The following CCNF variants were observed in gnomAD, a reference collection of about 807,000 sequenced individuals.
CCNF encodes cyclin F.
CCNF carries 30 observed loss-of-function variants against 85.4 expected under a neutral mutation model. The ratio of observed to expected loss-of-function variants is 0.35; its 90% CI spans 0.26 to 0.48. CCNF has a LOEUF of 0.48. CCNF is among the 20% of genes least tolerant of loss of function. CCNF has a pLI of 0.99. For missense variants in CCNF, 919 were observed against 1,010.4 expected (o/e 0.91, Z 1.23); for synonymous variants, 439 against 425.1 (o/e 1.03, Z -0.40).
intron 3 of CCNF, among the ~76,000 whole-genome samples, chr16:2,435,173 C>T (rs1324352511): frequency 6.6e-6 from 1 of 150,852 alleles, no homozygotes; most frequent in African/African-American, 2.4e-5. Context: ...ATGGTGTGAA[C>T]CTGGGAGGCG....
At chr16:2,444,280 C>G (rs2065349133) in intron 9 of CCNF, among the ~76,000 whole-genome samples, 1 of 150,766 alleles carries the variant, frequency 6.6e-6, no homozygotes, top group Non-Finnish European at 1.5e-5. Context: ...AGAAAATATC[C>G]TACTCTGCTT....
rs1378969171 is a variant in CCNF at position 2,437,118 on chromosome 16, T to C, written c.347-11T>C. On this transcript the variant is annotated splice_polypyrimidine_tract_variant and intron_variant, in intron 4 of 16. Transcript: ENST00000397066. The stretch of plus-strand genomic sequence containing the variant: ...AGACATCCCTGGGCTCTGTCCTGTC[T>C]GTCCCCGCAGTGTCTGTGTCTGATG... 2 of 1,566,086 alleles carry C rather than the reference T, an allele frequency of 1.3e-6. No homozygotes were observed. The highest frequency in any genetic ancestry group is 1.4e-5 in the African/African-American group (1 of 74,058).
intron 8 of CCNF, among the ~76,000 whole-genome samples, chr16:2,442,462 ATAT>A (rs1239086625): frequency 1.4e-4 from 1 of 7,058 alleles, no homozygotes. Context: ...ATATAATATA[ATAT>A]TATTATATAT....
intron 10 of CCNF, 70 bp downstream of exon 10, chr16:2,445,692 T>G (rs1302772107): frequency 1.4e-6 from 2 of 1,401,522 alleles, no homozygotes; most frequent in African/African-American, 2.9e-5. Flanking sequence ...CACCTGCCCT[T>G]CATGTGCTCC....
intron 9 of CCNF, 118 bp from the exon 10 acceptor site, chr16:2,445,340 C>A: frequency 8.3e-7 from 1 of 1,204,264 alleles, no homozygotes; most frequent in Non-Finnish European, 1.2e-6. Flanking sequence ...CCAGGGTAAA[C>A]CCATGATTCC....
rs368055352 is a variant in CCNF, at chr16:2,453,563, G to A, written c.1715+26G>A. 55 of 1,613,188 alleles carry A rather than the reference G, an allele frequency of 3.4e-5. No homozygotes were observed. Among genetic ancestry groups the A allele is most frequent in the South Asian group, 2.4e-4 (22 of 91,088 alleles). The stretch of plus-strand genomic sequence containing the variant: ...GTTAGTTACCCTGCGTTCTGGCTGC[G>A]CCATACAATGCTGGCATCCTCGTGC... On this transcript the variant is annotated intron_variant, in intron 15 of 16. Transcript: ENST00000397066. This position sits in a 1 kb window ranked among gnomAD's most constrained non-coding sequence, Gnocchi z 5.6.
chr16:2,445,409 A>G, intron 9 of CCNF, 49 bp from the exon 10 acceptor site: 8 of 1,601,382 alleles, frequency 5.0e-6, no homozygotes, highest in Non-Finnish European at 6.0e-6. Flanking sequence ...GCAGACAGGG[A>G]CACATGGAGA....
chr16:2,453,155 CT>C lies in CCNF; in HGVS notation c.1488-54del. On this transcript the variant is annotated intron_variant, in intron 13 of 16. Transcript: ENST00000397066. This position sits in a 1 kb window ranked among gnomAD's most constrained non-coding sequence, Gnocchi z 5.6. ...CATTGCTCACTTCAGTGAACTGAAG[CT>C]AAAAATGGGGTGGGGGTGCCTCACA... is the stretch of plus-strand genomic sequence containing the variant. 6.8e-7 allele frequency: 1 copy of C among 1,479,734 alleles called. No homozygotes were observed. The highest frequency in any genetic ancestry group is 1.1e-5 in the South Asian group (1 of 88,386). The allele number at this position is 1,479,734 out of a possible 1,614,324, so 91.7% of individuals were successfully genotyped here. A position where few individuals can be genotyped will look rare whatever the true frequency, so the allele number is the denominator to read the frequency against.
rs1204691514 is a variant in CCNF at position 2,452,148 on chromosome 16, A to G, written c.1488-1062A>G. Among the ~76,000 whole-genome samples the G allele has an allele frequency of 6.6e-6, 1 of 152,134 alleles. No homozygotes were observed. Among genetic ancestry groups the G allele is most frequent in the East Asian group, 1.9e-4 (1 of 5,194 alleles). ...TGGAACACTGTGGCAGCCGCCCCGC[A>G]CATGTCCCGTGTACGTCACCCAGGG... On this transcript the variant is annotated intron_variant, in intron 13 of 16. Transcript: ENST00000397066. The surrounding 1 kb of genome is among the most constrained non-coding windows in gnomAD (Gnocchi z 4.1).
In CCNF at chr16:2,431,140, T is replaced by A; in HGVS notation, c.27T>A (p.Cys9Ter). ...CTTTTTTTCCTTCAGTGGTCCACTG[T>A]AGGTGTGCCAAGTGTTTCTGTTATC... Reference protein sequence around the residue: MGSGGVVHCRCAKCFCYPT... With the variant: MGSGGVVH The change falls in exon 2 of 17, where the codon TGT (cysteine) becomes TGA (stop). Residue 9 changes from cysteine to a stop codon, truncating the protein, a stop_gained. Transcript: ENST00000397066. LOFTEE classifies it high-confidence loss of function. 1 of 1,614,090 alleles carries A rather than the reference T, an allele frequency of 6.2e-7. No homozygotes were observed. Among genetic ancestry groups the A allele is most frequent in the Non-Finnish European group, 8.5e-7 (1 of 1,179,974 alleles).
intron 10 of CCNF, 87 bp downstream of exon 10, chr16:2,445,709 G>A: frequency 8.7e-7 from 1 of 1,145,742 alleles, no homozygotes; most frequent in Non-Finnish European, 1.2e-6. Context: ...CTCCTCACTG[G>A]TTTGGTTTTG....
chr16:2,437,243 G>T lies in CCNF; in HGVS notation c.461G>T (p.Arg154Leu). The change falls in exon 5 of 17, where the codon CGC becomes CTC. Residue 154 changes from arginine to leucine, a missense_variant. Transcript: ENST00000397066. ...GCACCTTTCATCTGGCTCTTCATCC[G>T]CCCTCCGTGGTCGGTGAGCGGAAGC... The part of the protein sequence containing the change: ...GAAPFIWLFI[R>L]PPWSVSGSCC... 1 of 1,611,944 alleles carries T rather than the reference G, an allele frequency of 6.2e-7. No homozygotes were observed. The highest frequency in any genetic ancestry group is 8.5e-7 in the Non-Finnish European group (1 of 1,179,372).
intron 3 of CCNF, 140 bp from the exon 4 acceptor site, chr16:2,435,666 C>CATAT (rs71148135): frequency 0.037 from 1,558 of 42,052 alleles, 17 homozygotes; most frequent in East Asian, 0.067. Context: ...CACACACACA[C>CATAT]ATATATATAT....
Position 2,455,446 on chromosome 16 carries a change from C to T in CCNF, c.1767C>T (p.Pro589=), listed in dbSNP as rs781781103. 4 of 1,598,464 alleles carry T rather than the reference C, an allele frequency of 2.5e-6. No individual in the cohort carries two copies. Among genetic ancestry groups the T allele is most frequent in the East Asian group, 2.3e-5 (1 of 44,338 alleles). ...ACAGAGGCAGCTTCGTTACCACCCC[C>T]ACTGCGGAGCTGTCCAGCCAGGAGG... ...QEDRGSFVTT[P]TAELSSQEET... The change falls in exon 16 of 17, where the codon CCC becomes CCT. Residue 589 remains proline (P), a synonymous_variant. Coordinates refer to ENST00000397066, the MANE Select transcript of CCNF (RefSeq NM_001761.3).
chr16:2,445,407 G>T, intron 9 of CCNF, 51 bp from the exon 10 acceptor site: 1 of 1,599,538 alleles, frequency 6.3e-7, no homozygotes. Flanking sequence ...TCGCAGACAG[G>T]GACACATGGA....
At position 2,456,982 on chromosome 16, in the gene CCNF, G is replaced by A. The variant is rs138224180; in HGVS notation, c.2323G>A (p.Glu775Lys). The change falls in exon 17 of 17, where the codon GAG becomes AAG. Residue 775 changes from glutamate (E) to lysine (K), a missense_variant. By Grantham distance (56) the Glu-to-Lys change is moderately conservative (BLOSUM62 1). Transcript: ENST00000397066. This position sits in a 1 kb window ranked among gnomAD's most constrained non-coding sequence, Gnocchi z 4.5. ...VKRINLCIHSEEEDMNLGLVR... is the reference protein window; with the variant it reads ...VKRINLCIHSKEEDMNLGLVR... ...GCGGATAAACCTATGCATACACAGT[G>A]AGGAGGAGGACATGAACCTGGGCCT... 2 of 1,603,016 alleles carry A rather than the reference G, an allele frequency of 1.2e-6. No individual in the cohort carries two copies. The highest frequency in any genetic ancestry group is 1.1e-5 in the South Asian group (1 of 89,402).
chr16:2,429,475 C>T lies in CCNF; in HGVS notation c.-7C>T, dbSNP rs1011352763. ...CGGGCTCCGGCGGCAGCGACGCGAG[C>T]GCGGCGATGGGGAGCGGCGGCGGTG... is the stretch of plus-strand genomic sequence containing the variant. On this transcript the variant is annotated 5_prime_UTR_variant, in exon 1 of 17. Transcript: ENST00000397066. 4 of 1,227,740 alleles carry T rather than the reference C, an allele frequency of 3.3e-6. No homozygotes were observed. The East Asian group carries it at 9.6e-5, about 30-fold the overall frequency. 76.1% of individuals were successfully genotyped at this position (1,227,740 alleles called of 1,614,324 possible). A position where few individuals can be genotyped will look rare whatever the true frequency, so the allele number is the denominator to read the frequency against.
rs369608868 is a variant in CCNF at position 2,435,244 on chromosome 16, C to T, written c.279-562C>T. ...CCAGCCTGGGCAACAGAGCAGACTC[C>T]GTCTCAAAAAAAAAAAAGAAAAGAA... On this transcript the variant is annotated intron_variant, in intron 3 of 16. Coordinates refer to ENST00000397066, the MANE Select transcript of CCNF (RefSeq NM_001761.3). Among the ~76,000 whole-genome samples, 76 of 130,962 alleles carry T rather than the reference C, an allele frequency of 5.8e-4. 1 individual carries two copies. Among genetic ancestry groups the T allele is most frequent in the African/African-American group, 2.1e-3 (72 of 33,536 alleles). 85.9% of individuals were successfully genotyped at this position (130,962 alleles called of 152,430 possible).
chr16:2,435,663 AC>A (rs1271670046), intron 3 of CCNF, 142 bp from the exon 4 acceptor site: 31 of 151,274 alleles, frequency 2.0e-4, no homozygotes, highest in Admixed American at 1.5e-3. Flanking sequence ...ATGCACACAC[AC>A]ACATATATAT....
Sources: gnomAD v4.1 joint callset for allele counts (sites outside exome capture counted in the v4.1 genomes callset) on GRCh38, gnomAD v4.1.1 for gene constraint, Gnocchi (gnomAD v3.1) non-coding constraint, MANE v1.5 for transcripts, NCBI Gene and HGNC (gene_info 2026-07-23, HGNC 2026-07-21) for gene names.